Variants in ARB2A observed in about 807,000 individuals in gnomAD.
ARB2A encodes ARB2 cotranscriptional regulator A.
chr5:93,697,397 T>C, the ARB2A span, among the ~76,000 whole-genome samples: 1 of 152,204 alleles, frequency 6.6e-6, no homozygotes, highest in African/African-American at 2.4e-5. Context: ...TTCTTTCTTA[T>C]TAACTCATTT....
the ARB2A span, among the ~76,000 whole-genome samples, chr5:94,005,148 C>T: frequency 6.6e-6 from 1 of 150,748 alleles, no homozygotes; most frequent in Non-Finnish European, 1.5e-5. Context: ...TGTTTGACCT[C>T]AATTGGGAAG....
chr5:93,907,017 GATATATGAGC>G, the ARB2A span, among the ~76,000 whole-genome samples: 2 of 151,496 alleles, frequency 1.3e-5, no homozygotes, highest in East Asian at 3.9e-4. Flanking sequence ...ATTTTATATA[GATATATGAGC>G]ATGCATGCAC....
At chr5:94,074,743 A>C in the ARB2A span, 2 of 1,610,872 alleles carry the variant, frequency 1.2e-6, no homozygotes, top group Non-Finnish European at 1.7e-6. Flanking sequence ...AGCTCAAGGA[A>C]ATAGACATCA....
At chr5:93,651,013 A>G in the ARB2A span, among the ~76,000 whole-genome samples, 3 of 152,222 alleles carry the variant, frequency 2.0e-5, no homozygotes, top group South Asian at 6.2e-4. Flanking sequence ...AACCAAAAAA[A>G]CACATGGAAA....
the ARB2A span, among the ~76,000 whole-genome samples, chr5:93,922,618 G>C: frequency 9.5e-6 from 1 of 105,080 alleles, no homozygotes; most frequent in Non-Finnish European, 2.0e-5. Flanking sequence ...GGAGGGGAGG[G>C]GAGGGGAGGG....
chr5:94,074,762 AAGAC>A, the ARB2A span: 7 of 1,597,330 alleles, frequency 4.4e-6, no homozygotes, highest in Admixed American at 1.0e-4. Context: ...CAATCTTCAG[AAGAC>A]AGTCTAGAAT....
the ARB2A span, among the ~76,000 whole-genome samples, chr5:94,086,290 C>A: frequency 1.2e-4 from 19 of 152,238 alleles, no homozygotes; most frequent in Non-Finnish European, 2.2e-4. Flanking sequence ...AGTCACACAA[C>A]ACATAACAAC....
the ARB2A span, among the ~76,000 whole-genome samples, chr5:93,942,527 A>C: frequency 5.9e-5 from 9 of 151,920 alleles, no homozygotes; most frequent in African/African-American, 1.7e-4. Context: ...ACCACTCTTT[A>C]AGGGAAAAAA....
At chr5:93,896,341 C>T in the ARB2A span, among the ~76,000 whole-genome samples, 1 of 152,096 alleles carries the variant, frequency 6.6e-6, no homozygotes, top group South Asian at 2.1e-4. Flanking sequence ...CACAATTCCC[C>T]AAGTGCAGAT....
the ARB2A span, among the ~76,000 whole-genome samples, chr5:93,641,441 T>C: frequency 6.6e-6 from 1 of 152,262 alleles, no homozygotes; most frequent in South Asian, 2.1e-4. Flanking sequence ...AATCCACTTA[T>C]AAGATTAATA....
the ARB2A span, among the ~76,000 whole-genome samples, chr5:93,893,502 GTTA>G: frequency 3.3e-5 from 5 of 152,142 alleles, no homozygotes; most frequent in African/African-American, 1.2e-4. Flanking sequence ...TGAATGCCAT[GTTA>G]TTATCTACCA....
chr5:93,832,314 G>A, the ARB2A span, among the ~76,000 whole-genome samples: 3 of 152,074 alleles, frequency 2.0e-5, no homozygotes, highest in Non-Finnish European at 4.4e-5. Context: ...AACTCCATAG[G>A]TATGGCTTTC....
the ARB2A span, chr5:94,055,567 T>A: frequency 1.1e-6 from 1 of 918,744 alleles, no homozygotes. Context: ...AAAAAAAAAG[T>A]TTGTACACTC....
the ARB2A span, among the ~76,000 whole-genome samples, chr5:94,060,929 A>G: frequency 6.6e-6 from 1 of 152,164 alleles, no homozygotes; most frequent in Non-Finnish European, 1.5e-5. Context: ...TGCAAAAAAT[A>G]AAAGGATTTG....
chr5:94,065,908 G>T, the ARB2A span, among the ~76,000 whole-genome samples: 1 of 152,034 alleles, frequency 6.6e-6, no homozygotes, highest in African/African-American at 2.4e-5. Flanking sequence ...TTTCATCCAA[G>T]AGCTGCAGAG....
the ARB2A span, chr5:93,620,709 C>G: frequency 1.3e-5 from 4 of 315,902 alleles, no homozygotes; most frequent in East Asian, 2.1e-4. Flanking sequence ...CTTCGCCGGC[C>G]GAGCCAGGCA....
the ARB2A span, among the ~76,000 whole-genome samples, chr5:93,900,433 A>G: frequency 6.6e-6 from 1 of 152,016 alleles, no homozygotes; most frequent in African/African-American, 2.4e-5. Context: ...CAACACGGTG[A>G]AACCCCGTCT....
the ARB2A span, among the ~76,000 whole-genome samples, chr5:93,828,136 T>G: frequency 2.6e-5 from 4 of 152,132 alleles, no homozygotes; most frequent in Non-Finnish European, 5.9e-5. Flanking sequence ...AAGAAAGTCA[T>G]TGGTAGCTTG....
chr5:94,042,436 G>A, the ARB2A span, among the ~76,000 whole-genome samples: 2 of 150,650 alleles, frequency 1.3e-5, no homozygotes, highest in East Asian at 3.9e-4. Flanking sequence ...CTCCCGAGTA[G>A]CTGGGATTAC....
Sources: gnomAD v4.1 joint callset for allele counts (sites outside exome capture counted in the v4.1 genomes callset) on GRCh38, gnomAD v4.1.1 for gene constraint, MANE v1.5 for transcripts, NCBI Gene and HGNC (gene_info 2026-07-23, HGNC 2026-07-21) for gene names.